SAFB: variants seen among roughly 807,000 people sequenced by gnomAD.
SAFB encodes the protein scaffold attachment factor B1.
SAFB carries 15 observed loss-of-function variants against 101.6 expected under a neutral mutation model. That is an observed-to-expected ratio of 0.15 (90% confidence interval 0.10 to 0.23). SAFB has a LOEUF of 0.23. Ranked by LOEUF, SAFB falls within the 10% of genes least tolerant of loss-of-function variation. SAFB has a pLI of 1.00. For missense variants in SAFB, 930 were observed against 1,104.1 expected (o/e 0.84, Z 2.23); for synonymous variants, 449 against 407.5 (o/e 1.10, Z -1.23).
chr19:5,633,626 A>T (rs1007404957), intron 2 of SAFB, among the ~76,000 whole-genome samples: 2 of 152,046 alleles, frequency 1.3e-5, no homozygotes, highest in Non-Finnish European at 2.9e-5. Context: ...AAAAATACAA[A>T]AAATTAGGCA....
chr19:5,636,976 T>C (rs1276711051), intron 2 of SAFB, among the ~76,000 whole-genome samples: 1 of 151,490 alleles, frequency 6.6e-6, no homozygotes, highest in Non-Finnish European at 1.5e-5. Context: ...CCCAAAGTGC[T>C]GGGATTATAG....
At chr19:5,626,271 C>CGAATCATTAAAAA in intron 1 of SAFB, 134 bp from the exon 2 acceptor site, 13 of 563,918 alleles carry the variant, frequency 2.3e-5, no homozygotes, top group South Asian at 4.8e-5. Flanking sequence ...GTGGATGGGC[C>CGAATCATTAAAAA]ACAGGTCCTG....
intron 1 of SAFB, among the ~76,000 whole-genome samples, chr19:5,624,836 C>A (rs981423647): frequency 1.3e-5 from 2 of 152,150 alleles, no homozygotes; most frequent in Non-Finnish European, 2.9e-5. Flanking sequence ...AGGAAGCCCA[C>A]TGATCTACAT....
intron 2 of SAFB, among the ~76,000 whole-genome samples, chr19:5,627,436 C>T (rs1314654040): frequency 6.6e-6 from 1 of 152,152 alleles, no homozygotes; most frequent in East Asian, 1.9e-4. Flanking sequence ...CCACTGAACT[C>T]CAACATGGAG....
intron 8 of SAFB, 127 bp from the exon 9 acceptor site, chr19:5,650,851 C>A: frequency 1.6e-6 from 1 of 629,452 alleles, no homozygotes; most frequent in Non-Finnish European, 2.8e-6. Flanking sequence ...CCCACAGCCC[C>A]ATTTGGCTTT....
Position 5,623,364 on chromosome 19 carries a change from C to T in SAFB, c.159C>T (p.Asn53=). ...LRKRNVDSSG[N]KSVLMERLKK... ...AACGGAATGTGGACTCGAGCGGCAA[C>T]AAGAGCGTTTTGATGGAGCGGCTGA... The change falls in exon 1 of 21, where the codon AAC becomes AAT. Residue 53 remains asparagine (N), a synonymous_variant. Coordinates refer to ENST00000588852, the MANE Select transcript of SAFB (RefSeq NM_001201338.2). The T allele has an allele frequency of 2.5e-6, 4 of 1,613,916 alleles. No homozygotes were observed. Among genetic ancestry groups the T allele is most frequent in the Non-Finnish European group, 3.4e-6 (4 of 1,179,842 alleles).
intron 1 of SAFB, 115 bp downstream of exon 1, chr19:5,623,509 C>T (rs1338749995): frequency 2.4e-6 from 2 of 831,408 alleles, no homozygotes; most frequent in Non-Finnish European, 3.6e-6. Flanking sequence ...CTCGCCGGAC[C>T]TGGCGCTCTC....
intron 13 of SAFB, among the ~76,000 whole-genome samples, chr19:5,655,321 G>A (rs778365161): frequency 5.3e-5 from 8 of 151,878 alleles, no homozygotes; most frequent in Non-Finnish European, 8.8e-5. Flanking sequence ...AGGCAGGCTC[G>A]GTGGTATGCA....
chr19:5,660,704 CAAAAAAAAAAAAAAA>C (rs60011056), intron 14 of SAFB, among the ~76,000 whole-genome samples: 1 of 76,596 alleles, frequency 1.3e-5, no homozygotes. Flanking sequence ...CCATCTCTAC[CAAAAAAAAAAAAAAA>C]AAAAAAAAAG....
intron 9 of SAFB, among the ~76,000 whole-genome samples, chr19:5,651,289 G>A (rs918074231): frequency 1.3e-5 from 2 of 152,140 alleles, no homozygotes; most frequent in Admixed American, 6.6e-5. Context: ...CCTTCTCTGC[G>A]AGCTTGCCCC....
rs1249136675 is a variant in SAFB at position 5,640,380 on chromosome 19, T to C, written c.275-1214T>C. On this transcript the variant is annotated intron_variant, in intron 2 of 20. Coordinates refer to ENST00000588852, the MANE Select transcript of SAFB (RefSeq NM_001201338.2). ...TGGCTTTTTTTTTTTTTTTTTTTTT[T>C]TCTGGAGATGGAGTCTCGCTCTGTT... Among the ~76,000 whole-genome samples, 3 of 146,876 alleles carry C rather than the reference T, an allele frequency of 2.0e-5. No homozygotes were observed. The East Asian group carries it at 5.9e-4, about 29-fold the overall frequency.
chr19:5,663,517 A>G (rs908015322), intron 15 of SAFB, among the ~76,000 whole-genome samples: 4 of 152,184 alleles, frequency 2.6e-5, no homozygotes, highest in African/African-American at 9.7e-5. Flanking sequence ...CAACTTCTAT[A>G]AAGGGCCTTG....
chr19:5,664,405 G>T lies in SAFB; in HGVS notation c.2300G>T (p.Gly767Val). The T allele has an allele frequency of 1.2e-6, 2 of 1,613,448 alleles. No individual in the cohort carries two copies. Among genetic ancestry groups the T allele is most frequent in the Middle Eastern group, 3.3e-4 (2 of 6,060 alleles). Residue 767 changes from glycine to valine, a missense_variant, in exon 17 of 21, where the codon GGT (glycine) becomes GTT (valine). This residue lies in a region of SAFB where 318 missense variants were observed against 342.6 expected (regional missense o/e 0.93). Coordinates refer to ENST00000588852, the MANE Select transcript of SAFB (RefSeq NM_001201338.2). ...TTAAATTGCCTTTTCAGGAGAGAAG[G>T]TTCAAGGTCAATGATGGGAGAACGA... ...YPDHSVDRRE[G>V]SRSMMGEREG...
intron 14 of SAFB, among the ~76,000 whole-genome samples, chr19:5,660,937 CTTTTTTTTTTTTT>C (rs35511041): frequency 2.6e-5 from 1 of 38,022 alleles, no homozygotes; most frequent in African/African-American, 1.1e-4. Flanking sequence ...TACTCTGTGG[CTTTTTTTTTTTTT>C]TTTTTTTTTT....
intron 14 of SAFB, among the ~76,000 whole-genome samples, chr19:5,660,342 CTTTTTTTTTT>C (rs11360129): frequency 2.0e-5 from 1 of 50,934 alleles, no homozygotes; most frequent in East Asian, 9.0e-4. Flanking sequence ...CTGCACACAC[CTTTTTTTTTT>C]TTTTTTTTTT....
chr19:5,649,860 T>G (rs188086586), intron 7 of SAFB, 66 bp from the exon 8 acceptor site: 1 of 1,446,312 alleles, frequency 6.9e-7, no homozygotes, highest in Admixed American at 1.7e-5. Flanking sequence ...AGCACGAATT[T>G]TATGGTTTTG....
rs771299365 is a variant in SAFB, at chr19:5,648,301, CA to C, written c.637+259del. On this transcript the variant is annotated intron_variant, in intron 6 of 20. Transcript: ENST00000588852. ...TATCTCATGCCTTTTTGAATATCAA[CA>C]GCATTGAATCATACATAGAGAAAGA... 6.4e-4 allele frequency: 322 copies of C among 505,594 alleles called. 1 individual carries two copies. In the Middle Eastern group the frequency reaches 7.2e-3, roughly 11 times the overall value. 31.3% of individuals were successfully genotyped at this position (505,594 alleles called of 1,614,324 possible). A position where few individuals can be genotyped will look rare whatever the true frequency, so the allele number is the denominator to read the frequency against.
In SAFB at chr19:5,623,122, G is replaced by T. The variant is rs555119512; in HGVS notation, c.-84G>T. 7.3e-5 allele frequency: 100 copies of T among 1,371,930 alleles called. No individual in the cohort carries two copies. In the East Asian group the frequency reaches 2.5e-3, roughly 34 times the overall value. The allele number at this position is 1,371,930 out of a possible 1,614,324, so 85.0% of individuals were successfully genotyped here. A position where few individuals can be genotyped will look rare whatever the true frequency, so the allele number is the denominator to read the frequency against. ...CTGGGGCGACTGGAGCGGTTCCCTC[G>T]CAGGCGGCGCCATTTTGTGCTAGGA... is the stretch of plus-strand genomic sequence containing the variant. On this transcript the variant is annotated 5_prime_UTR_variant, in exon 1 of 21. Coordinates refer to ENST00000588852, the MANE Select transcript of SAFB (RefSeq NM_001201338.2).
At chr19:5,628,207 C>T (rs2053410865) in intron 2 of SAFB, among the ~76,000 whole-genome samples, 3 of 152,068 alleles carry the variant, frequency 2.0e-5, no homozygotes, top group South Asian at 2.1e-4. Flanking sequence ...GCCCAGATCG[C>T]ACCACTGCAC....
Sources: allele counts gnomAD v4.1 joint callset (sites outside exome capture counted in the v4.1 genomes callset), GRCh38; gene constraint gnomAD v4.1.1; regional missense constraint gnomAD v4.1.1; transcripts MANE v1.5; gene names NCBI Gene and HGNC (gene_info 2026-07-23, HGNC 2026-07-21).